TMEM132D: variants seen among roughly 807,000 people sequenced by gnomAD.
TMEM132D encodes the protein mature OL transmembrane protein.
Under a neutral mutation model 62.3 loss-of-function variants are expected in TMEM132D, and 21 were observed. That is an observed-to-expected ratio of 0.34 (90% CI 0.24 to 0.49). The LOEUF (loss-of-function observed/expected upper bound fraction) is 0.49, where lower values mean the gene tolerates loss of function less well. TMEM132D is among the 20% of genes least tolerant of loss of function. The probability of loss-of-function intolerance (pLI) is 0.99; values close to 1 mark genes in which losing one functional copy is unlikely to be tolerated. For synonymous variants in TMEM132D, 621 were observed against 575.6 expected, an observed-to-expected ratio of 1.08 and a Z score of -1.13; for missense variants, 1,346 against 1,402.8, an observed-to-expected ratio of 0.96 and a Z score of 0.65.
intron 1 of TMEM132D, among the ~76,000 whole-genome samples, chr12:129,725,474 AC>A (rs1868998035): frequency 6.6e-6 from 1 of 152,262 alleles, no homozygotes; most frequent in South Asian, 2.1e-4. Flanking sequence ...AGAAAGGCAC[AC>A]CATTGGCTCT....
intron 3 of TMEM132D, among the ~76,000 whole-genome samples, chr12:129,372,256 G>A (rs1222798201): frequency 2.0e-5 from 3 of 152,198 alleles, no homozygotes; most frequent in Admixed American, 6.5e-5. Context: ...CTGCAGGAGA[G>A]CAAATTTGTA....
chr12:129,120,262 G>T (rs2135653692), intron 5 of TMEM132D, among the ~76,000 whole-genome samples: 2 of 152,318 alleles, frequency 1.3e-5, no homozygotes, highest in South Asian at 4.1e-4. Context: ...AAGAGCGAAA[G>T]ACATCAGCAG....
chr12:129,636,919 T>G (rs578194141), intron 2 of TMEM132D, among the ~76,000 whole-genome samples: 1 of 152,230 alleles, frequency 6.6e-6, no homozygotes, highest in East Asian at 1.9e-4. Context: ...CAACCTGAAT[T>G]TGTAGCATAC....
rs1379309574 is a variant in TMEM132D at position 129,273,355 on chromosome 12, AG to A, written c.1300-63693del. ...GTTTGAAGATTTCTCAAAGAACTTA[AG>A]GAACTTAAAACAGAACTACCACTTG... On this transcript the variant is annotated intron_variant, in intron 4 of 8. Coordinates refer to ENST00000422113, the MANE Select transcript of TMEM132D (RefSeq NM_133448.3). Among the ~76,000 whole-genome samples the A allele has an allele frequency of 9.2e-5, 14 of 151,544 alleles. 1 individual carries two copies. Among genetic ancestry groups the A allele is most frequent in the African/African-American group, 3.2e-4 (13 of 40,944 alleles).
chr12:129,309,280 T>C (rs1401807718), intron 4 of TMEM132D, among the ~76,000 whole-genome samples: 1 of 152,206 alleles, frequency 6.6e-6, no homozygotes, highest in Non-Finnish European at 1.5e-5. Context: ...TTTCTTTAGT[T>C]GTTGGTGGCA....
intron 1 of TMEM132D, among the ~76,000 whole-genome samples, chr12:129,838,817 C>T (rs1873087125): frequency 6.6e-6 from 1 of 152,140 alleles, no homozygotes; most frequent in Admixed American, 6.5e-5. Context: ...CTTTTTTCCC[C>T]TTAATTATAA....
At chr12:129,258,985 T>TA (rs1370904860) in intron 4 of TMEM132D, among the ~76,000 whole-genome samples, 1 of 152,156 alleles carries the variant, frequency 6.6e-6, no homozygotes, top group Non-Finnish European at 1.5e-5. Context: ...GGATGTGAGA[T>TA]AATGAGGTAA....
rs987034364 is a variant in TMEM132D, at chr12:129,431,359, C to T, written c.1116-93542G>A. 2.6e-5 allele frequency among the ~76,000 whole-genome samples: 4 copies of T among 152,212 alleles called. No individual in the cohort carries two copies. In the East Asian group the frequency reaches 7.7e-4, roughly 29 times the overall value. ...AGATTTTCCAGAAGCCAAATTTCTT[C>T]CCTGTTTATCTCTCACAGGGGATTT... On this transcript the variant is annotated intron_variant, in intron 3 of 8. Coordinates refer to ENST00000422113, the MANE Select transcript of TMEM132D (RefSeq NM_133448.3).
At chr12:129,385,092 T>C (rs1313244027) in intron 3 of TMEM132D, among the ~76,000 whole-genome samples, 1 of 137,580 alleles carries the variant, frequency 7.3e-6, no homozygotes, top group Admixed American at 7.2e-5. Context: ...GTTCTTTTTT[T>C]TTTTTTTTTT....
chr12:129,201,579 C>A (rs1878705788), intron 5 of TMEM132D, among the ~76,000 whole-genome samples: 1 of 152,152 alleles, frequency 6.6e-6, no homozygotes, highest in Non-Finnish European at 1.5e-5. Flanking sequence ...ATAAGGTGAC[C>A]TAAATAGGTC....
chr12:129,612,759 C>A (rs1878810443), intron 2 of TMEM132D, among the ~76,000 whole-genome samples: 1 of 152,130 alleles, frequency 6.6e-6, no homozygotes, highest in East Asian at 1.9e-4. Flanking sequence ...TTAGTCTGAC[C>A]TTTTGCCCCT....
chr12:129,401,495 G>C (rs1229452103), intron 3 of TMEM132D, among the ~76,000 whole-genome samples: 1 of 152,134 alleles, frequency 6.6e-6, no homozygotes, highest in African/African-American at 2.4e-5. Context: ...TTTGAGCCTG[G>C]GAGGTGGAGG....
In TMEM132D at chr12:129,903,230, C is replaced by A; in HGVS notation, c.79+31G>T. The A allele has an allele frequency of 6.4e-7, 1 of 1,550,802 alleles. No homozygotes were observed. The highest frequency in any genetic ancestry group is 1.4e-5 in the African/African-American group (1 of 73,186). On this transcript the variant is annotated intron_variant, in intron 1 of 8. Transcript: ENST00000422113. This position sits in a 1 kb window ranked among gnomAD's most constrained non-coding sequence, Gnocchi z 6.2. ...CACACTCACTCCAGGCGAAGTTAGT[C>A]CCCGGGCCCTGGCGGCCGCGGCGTC...
At chr12:129,734,212 G>T (rs1009794739) in intron 1 of TMEM132D, among the ~76,000 whole-genome samples, 3 of 152,126 alleles carry the variant, frequency 2.0e-5, no homozygotes, top group Non-Finnish European at 4.4e-5. Context: ...TTCTGTCCTG[G>T]TATTTGACCT....
At chr12:129,800,556 G>A (rs1460117564) in intron 1 of TMEM132D, among the ~76,000 whole-genome samples, 1 of 152,126 alleles carries the variant, frequency 6.6e-6, no homozygotes, top group African/African-American at 2.4e-5. Flanking sequence ...AGCAGTGGAG[G>A]CCATAGAATC....
At chr12:129,166,025 C>T (rs1299403471) in intron 5 of TMEM132D, among the ~76,000 whole-genome samples, 2 of 152,158 alleles carry the variant, frequency 1.3e-5, no homozygotes, top group African/African-American at 4.8e-5. Flanking sequence ...CTATTATTAT[C>T]GCTGTTTTGT....
At chr12:129,188,874 T>C (rs1474185464) in intron 5 of TMEM132D, among the ~76,000 whole-genome samples, 2 of 152,108 alleles carry the variant, frequency 1.3e-5, no homozygotes, top group Non-Finnish European at 2.9e-5. Flanking sequence ...AGCTCCCATG[T>C]ACCTTGAGTT....
chr12:129,793,073 CTTTT>C (rs34199090), intron 1 of TMEM132D, among the ~76,000 whole-genome samples: 1 of 141,030 alleles, frequency 7.1e-6, no homozygotes, highest in Non-Finnish European at 1.6e-5. Flanking sequence ...GCTTTTTATT[CTTTT>C]TTTTTTTTTT....
chr12:129,430,256 CTT>C (rs1487671580), intron 3 of TMEM132D, among the ~76,000 whole-genome samples: 1 of 152,130 alleles, frequency 6.6e-6, no homozygotes, highest in Non-Finnish European at 1.5e-5. Flanking sequence ...CGTTTCCTGA[CTT>C]TTTAATGATC....
Sources: allele counts gnomAD v4.1 joint callset (sites outside exome capture counted in the v4.1 genomes callset), GRCh38; gene constraint gnomAD v4.1.1; non-coding constraint Gnocchi (gnomAD v3.1); transcripts MANE v1.5; gene names NCBI Gene and HGNC (gene_info 2026-07-23, HGNC 2026-07-21).